The following TSHZ3 variants were observed in gnomAD, a reference collection of about 807,000 sequenced individuals.
TSHZ3 encodes teashirt homolog 3.
Under a neutral mutation model 64.5 loss-of-function variants are expected in TSHZ3, and 10 were observed. That is an observed-to-expected ratio of 0.16 (90% CI 0.10 to 0.26). The LOEUF (loss-of-function observed/expected upper bound fraction) is 0.26. TSHZ3 is among the 10% of genes least tolerant of loss of function. The pLI, the probability that TSHZ3 is intolerant of heterozygous loss-of-function variation, is 1.00. For missense variants in TSHZ3, 1,242 were observed against 1,421.7 expected (o/e 0.87, Z 2.03); for synonymous variants, 608 against 593.1 (o/e 1.03, Z -0.36).
chr19:31,182,765 A>G (rs1038468910), intron 5 of TSHZ3, among the ~76,000 whole-genome samples: 1 of 152,178 alleles, frequency 6.6e-6, no homozygotes, highest in Non-Finnish European at 1.5e-5. Context: ...AAAAAAATAC[A>G]TATGTAAGAC....
intron 1 of TSHZ3, chr19:31,308,500 C>T (rs1421233004): frequency 2.5e-6 from 1 of 393,464 alleles, no homozygotes; most frequent in African/African-American, 2.1e-5. Context: ...TGTTTGTCAT[C>T]GTCTCCAGCG....
intron 5 of TSHZ3, among the ~76,000 whole-genome samples, chr19:31,170,539 C>T (rs964347567): frequency 6.6e-6 from 1 of 152,118 alleles, no homozygotes; most frequent in African/African-American, 2.4e-5. Context: ...AGAGAGCATC[C>T]CACATCTACA....
intron 1 of TSHZ3, among the ~76,000 whole-genome samples, chr19:31,289,878 T>C (rs1976534045): frequency 6.6e-6 from 1 of 152,110 alleles, no homozygotes; most frequent in Admixed American, 6.5e-5. Context: ...CACCTAAATC[T>C]CAGCTTATTC....
chr19:31,303,429 C>T (rs1185605444), intron 1 of TSHZ3, among the ~76,000 whole-genome samples: 1 of 152,186 alleles, frequency 6.6e-6, no homozygotes, highest in African/African-American at 2.4e-5. Flanking sequence ...TCCACATAGG[C>T]ACCCACAGTC....
At chr19:31,322,293 C>T (rs901583297) in intron 1 of TSHZ3, among the ~76,000 whole-genome samples, 4 of 152,106 alleles carry the variant, frequency 2.6e-5, no homozygotes, top group South Asian at 2.1e-4. Flanking sequence ...CCGGCCAACA[C>T]ACCTGGCAAA....
chr19:31,294,007 G>A (rs1483231616), intron 1 of TSHZ3, among the ~76,000 whole-genome samples: 2 of 152,098 alleles, frequency 1.3e-5, no homozygotes, highest in Admixed American at 6.5e-5. Flanking sequence ...TCATTCCCAC[G>A]TCACAGAACA....
intron 5 of TSHZ3, among the ~76,000 whole-genome samples, chr19:31,167,069 C>G (rs1170113579): frequency 6.6e-6 from 1 of 152,140 alleles, no homozygotes; most frequent in African/African-American, 2.4e-5. Flanking sequence ...TCCTGACCAA[C>G]AGAAGTTATG....
chr19:31,254,713 G>A (rs767654130), intron 1 of TSHZ3, among the ~76,000 whole-genome samples: 92 of 152,372 alleles, frequency 6.0e-4, no homozygotes, highest in African/African-American at 2.0e-3. Flanking sequence ...CACATGGGCT[G>A]AGTCCCCATT....
intron 5 of TSHZ3, among the ~76,000 whole-genome samples, chr19:31,195,181 C>A (rs1603465): frequency 6.6e-6 from 1 of 151,872 alleles, no homozygotes; most frequent in Non-Finnish European, 1.5e-5. Context: ...ATATTTAAAA[C>A]AATAATGCCC....
Position 31,287,322 on chromosome 19 carries a change from G to A in TSHZ3, c.41-7570C>T, listed in dbSNP as rs116561045. On this transcript the variant is annotated intron_variant, in intron 1 of 1. Transcript: ENST00000240587. Reference sequence around the variant, plus strand: ...GTTTCCCCTGGGAAGGTGCTTTGCTGGCTAAAACTGTTTATAGATTCCTTT... The same window carrying A: ...GTTTCCCCTGGGAAGGTGCTTTGCTAGCTAAAACTGTTTATAGATTCCTTT... Among the ~76,000 whole-genome samples, 1,190 of 152,290 alleles carry A rather than the reference G, an allele frequency of 7.8e-3. 12 individuals carry two copies. The highest frequency in any genetic ancestry group is 0.027 in the African/African-American group (1,120 of 41,550).
chr19:31,285,219 G>A (rs187392642), intron 1 of TSHZ3, among the ~76,000 whole-genome samples: 25 of 152,288 alleles, frequency 1.6e-4, no homozygotes, highest in Admixed American at 1.4e-3. Flanking sequence ...AGTAGCTCTT[G>A]TCTGTAATCC....
In TSHZ3 at chr19:31,279,584, T is replaced by C. The variant is rs756566048; in HGVS notation, c.209A>G (p.His70Arg). The C allele has an allele frequency of 3.7e-6, 6 of 1,611,654 alleles. No homozygotes were observed. Among genetic ancestry groups the C allele is most frequent in the African/African-American group, 1.3e-5 (1 of 74,896 alleles). Residue 70 changes from histidine (H) to arginine (R), a missense_variant, in exon 2 of 2, where the codon CAT becomes CGT. His to Arg is a conservative substitution (Grantham distance 29). Transcript: ENST00000240587. The surrounding 1 kb of genome is among the most constrained non-coding windows in gnomAD (Gnocchi z 6.4). ...QNSPAAEFSCHEMDSESHISE... is the reference protein window; with the variant it reads ...QNSPAAEFSCREMDSESHISE... ...GATGTGTGACTCGCTGTCCATTTCA[T>C]GGCAGGAAAACTCGGCGGCCGGGGA...
chr19:31,214,725 G>A (rs754924455), intron 4 of TSHZ3, among the ~76,000 whole-genome samples: 2 of 152,068 alleles, frequency 1.3e-5, no homozygotes, highest in East Asian at 1.9e-4. Context: ...TGGCTAACAC[G>A]GTGAAACCCC....
chr19:31,316,797 G>T lies in TSHZ3; in HGVS notation c.40+32383C>A, dbSNP rs1041049570. ...AGAGAGAGAGAAGGAGAAACAGGCA[G>T]AGAGAGACAGAAGCCAACCCCCGCC... On this transcript the variant is annotated intron_variant, in intron 1 of 1. Coordinates refer to ENST00000240587, the MANE Select transcript of TSHZ3 (RefSeq NM_020856.4). 2.0e-5 allele frequency among the ~76,000 whole-genome samples: 3 copies of T among 152,104 alleles called. No individual in the cohort carries two copies. The East Asian group carries it at 5.8e-4, about 29-fold the overall frequency.
At chr19:31,306,051 G>T (rs937505710) in intron 1 of TSHZ3, among the ~76,000 whole-genome samples, 1 of 152,188 alleles carries the variant, frequency 6.6e-6, no homozygotes, top group Non-Finnish European at 1.5e-5. Flanking sequence ...CCACAAAAAG[G>T]GGGTAGGCGC....
intron 5 of TSHZ3, among the ~76,000 whole-genome samples, chr19:31,198,732 A>G (rs551867355): frequency 6.6e-6 from 1 of 152,188 alleles, no homozygotes; most frequent in African/African-American, 2.4e-5. Flanking sequence ...CAAAATATGT[A>G]CAAAATCTAT....
intron 5 of TSHZ3, among the ~76,000 whole-genome samples, chr19:31,165,582 A>G (rs1011211114): frequency 1.3e-5 from 2 of 152,098 alleles, no homozygotes; most frequent in Non-Finnish European, 2.9e-5. Flanking sequence ...ACCCGAGTGC[A>G]GCTCACCCAC....
rs559558050 is a variant in TSHZ3 at position 31,241,618 on chromosome 19, C to T, written n.550+651G>A. ...CCTACACACCTCCCTTTCTCTGATG[C>T]GCCATTGTGCAGACTGCAGCCATTT... On this transcript the variant is annotated intron_variant and non_coding_transcript_variant, in intron 3 of 6. Transcript: ENST00000651361. Among the ~76,000 whole-genome samples the T allele has an allele frequency of 2.6e-4, 39 of 152,326 alleles. No homozygotes were observed. The Middle Eastern group carries it at 0.01, about 40-fold the overall frequency.
intron 4 of TSHZ3, among the ~76,000 whole-genome samples, chr19:31,208,703 G>A (rs1186439003): frequency 6.6e-6 from 1 of 152,210 alleles, no homozygotes; most frequent in Non-Finnish European, 1.5e-5. Context: ...TAGGGGCAGT[G>A]AAGACATGGT....
Sources: gnomAD v4.1 joint callset for allele counts (sites outside exome capture counted in the v4.1 genomes callset) on GRCh38, gnomAD v4.1.1 for gene constraint, Gnocchi (gnomAD v3.1) non-coding constraint, MANE v1.5 for transcripts, NCBI Gene and HGNC (gene_info 2026-07-23, HGNC 2026-07-21) for gene names.